The following EML2 variants were observed in gnomAD, a reference collection of about 807,000 sequenced individuals.
EML2 encodes echinoderm microtubule-associated protein-like 2.
EML2 carries 59 observed loss-of-function variants against 84.7 expected under a neutral mutation model. The ratio of observed to expected loss-of-function variants is 0.70; its 90% CI spans 0.56 to 0.86. EML2 has a LOEUF of 0.86. Among genes scored for constraint, EML2 ranks in the 40% least tolerant of loss-of-function variants. The pLI, the probability that EML2 is intolerant of heterozygous loss-of-function variation, is 0.00. For synonymous variants in EML2, 352 were observed against 348.9 expected, an observed-to-expected ratio of 1.01 and a Z score of -0.10; for missense variants, 818 against 855.6, an observed-to-expected ratio of 0.96 and a Z score of 0.55.
At chr19:45,641,339 C>A, upstream of EML2, 1 of 380,104 alleles carries the variant, frequency 2.6e-6, no homozygotes, top group Non-Finnish European at 4.9e-6. Flanking sequence ...CGGGGCCTCT[C>A]CTGTACCTTA....
At chr19:45,638,733 A>C in intron 2 of EML2, 99 bp from the exon 3 acceptor site, 1 of 1,588,094 alleles carries the variant, frequency 6.3e-7, no homozygotes, top group Non-Finnish European at 8.6e-7. Flanking sequence ...AAGGCAGGGA[A>C]ACTGAGGCCA....
rs761124540 is a variant in EML2 at position 45,621,374 on chromosome 19, G to A, written c.997-42C>T. 3.0e-5 allele frequency: 47 copies of A among 1,577,542 alleles called. No individual in the cohort carries two copies. In the East Asian group the frequency reaches 7.6e-4, roughly 26 times the overall value. ...GAGGGAAGATGAGTAGGATGCACAC[G>A]GGTGGGTGTGGGGTGACATACTGTG... is the stretch of plus-strand genomic sequence containing the variant. On this transcript the variant is annotated intron_variant, in intron 10 of 18. Transcript: ENST00000245925.
chr19:45,634,549 AT>A, intron 3 of EML2, 78 bp from the exon 4 acceptor site: 1 of 1,105,380 alleles, frequency 9.0e-7, no homozygotes, highest in Non-Finnish European at 1.2e-6. Flanking sequence ...TTATTTATTT[AT>A]TTTTAATTTT....
upstream of EML2, chr19:45,641,454 C>T (rs1369421591): frequency 1.6e-6 from 1 of 611,090 alleles, no homozygotes; most frequent in Non-Finnish European, 2.9e-6. Context: ...TTGACTCCGC[C>T]CTCCCAGACC....
At chr19:45,637,769 T>C (rs1973941377) in intron 3 of EML2, among the ~76,000 whole-genome samples, 1 of 145,176 alleles carries the variant, frequency 6.9e-6, no homozygotes, top group African/African-American at 2.6e-5. Context: ...CTCTGCCTCC[T>C]GGGTTCAAGC....
At chr19:45,638,320 C>G (rs1216672689) in intron 3 of EML2, among the ~76,000 whole-genome samples, 185 bp downstream of exon 3, 2 of 152,176 alleles carry the variant, frequency 1.3e-5, no homozygotes, top group Non-Finnish European at 2.9e-5. Context: ...GCACCAATCC[C>G]ACTCTGGCCA....
At chr19:45,621,164 A>G (rs1457835438) in intron 11 of EML2, 43 bp downstream of exon 11, 2 of 1,603,846 alleles carry the variant, frequency 1.2e-6, no homozygotes, top group South Asian at 2.2e-5. Context: ...AGGCCAGGGA[A>G]AGAGCTGGGA....
At chr19:45,642,185 G>T, upstream of EML2, 1 of 1,531,212 alleles carries the variant, frequency 6.5e-7, no homozygotes, top group Non-Finnish European at 8.7e-7. Flanking sequence ...GGGGTGCCCC[G>T]CGCGCGTAGC....
chr19:45,634,239 G>T, intron 4 of EML2, 83 bp downstream of exon 4: 1 of 1,583,270 alleles, frequency 6.3e-7, no homozygotes. Context: ...GGGTAGCAAT[G>T]TGAAAAGAGG....
At chr19:45,633,261 A>G in intron 4 of EML2, 122 bp from the exon 5 acceptor site, 1 of 962,942 alleles carries the variant, frequency 1.0e-6, no homozygotes, top group East Asian at 2.6e-5. Flanking sequence ...TATTTAGTGC[A>G]TTAATAGCAG....
At chr19:45,613,129 C>T (rs949998160) in intron 18 of EML2, among the ~76,000 whole-genome samples, 3 of 152,000 alleles carry the variant, frequency 2.0e-5, no homozygotes, top group Admixed American at 6.6e-5. Context: ...GAACTCCTGG[C>T]CTCAAGCAAT....
At chr19:45,635,884 G>A (rs1176076108) in intron 3 of EML2, among the ~76,000 whole-genome samples, 2 of 151,158 alleles carry the variant, frequency 1.3e-5, no homozygotes, top group Non-Finnish European at 3.0e-5. Context: ...GAGCCACCGC[G>A]CCCGGGCTAT....
chr19:45,626,030 C>T (rs1803670288), intron 8 of EML2, among the ~76,000 whole-genome samples: 2 of 152,160 alleles, frequency 1.3e-5, no homozygotes, highest in South Asian at 4.1e-4. Context: ...GTGCGCACCA[C>T]CATGCCTGGC....
chr19:45,641,972 C>A, upstream of EML2: 1 of 1,443,672 alleles, frequency 6.9e-7, no homozygotes, highest in Non-Finnish European at 9.1e-7. Flanking sequence ...GGCATAGCCA[C>A]CCACGCGCCG....
At chr19:45,638,934 A>C in intron 1 of EML2, 61 bp from the exon 2 acceptor site, 1 of 1,597,356 alleles carries the variant, frequency 6.3e-7, no homozygotes, top group South Asian at 1.1e-5. Flanking sequence ...AAAGGGGAGA[A>C]ACCATTCCTC....
At chr19:45,641,691 G>T, upstream of EML2, 1 of 1,536,174 alleles carries the variant, frequency 6.5e-7, no homozygotes, top group Non-Finnish European at 8.7e-7. Context: ...TCCGGCTGCG[G>T]GGGTCCTCAC....
At chr19:45,641,897 G>C, upstream of EML2, 3 of 1,452,914 alleles carry the variant, frequency 2.1e-6, no homozygotes, top group Non-Finnish European at 2.7e-6. Flanking sequence ...AGAGGCTGGG[G>C]GTCCCGGCCT....
upstream of EML2, chr19:45,645,560 T>A (rs1974976449): frequency 2.1e-6 from 2 of 961,394 alleles, no homozygotes; most frequent in African/African-American, 1.8e-5. Flanking sequence ...CCCAACACAA[T>A]CCTAGGGCCA....
At position 45,626,790 on chromosome 19, in the gene EML2, G is replaced by A. The variant is rs751777733; in HGVS notation, c.656C>T (p.Thr219Ile). 2 of 1,613,720 alleles carry A rather than the reference G, an allele frequency of 1.2e-6. No individual in the cohort carries two copies. The highest frequency in any genetic ancestry group is 2.7e-5 in the African/African-American group (2 of 74,852). ...AGATTTCCCGCAGGTGATAAGCACA[G>A]TGGGGTCCGTGGGGTGGAAGGTGGC... ...LVATFHPTDP[T>I]VLITCGKSHI... Residue 219 changes from threonine (T) to isoleucine (I), a missense_variant, in exon 8 of 19, where the codon ACT becomes ATT. Transcript: ENST00000245925.
Sources: allele counts gnomAD v4.1 joint callset (sites outside exome capture counted in the v4.1 genomes callset), GRCh38; gene constraint gnomAD v4.1.1; transcripts MANE v1.5; gene names NCBI Gene and HGNC (gene_info 2026-07-23, HGNC 2026-07-21).